Variants in PLXNA4 observed in about 807,000 individuals in gnomAD.
PLXNA4 encodes the protein plexin-A4.
Under a neutral mutation model 191.8 loss-of-function variants are expected in PLXNA4, and 44 were observed. The observed-to-expected ratio is 0.23, with a 90% CI of 0.18 to 0.29. The LOEUF (loss-of-function observed/expected upper bound fraction) is 0.29, where lower values mean the gene tolerates loss of function less well. PLXNA4 is among the 10% of genes least tolerant of loss of function. The probability of loss-of-function intolerance (pLI) is 1.00; values close to 1 mark genes in which losing one functional copy is unlikely to be tolerated. For missense variants in PLXNA4, 1,800 were observed against 2,488.8 expected (o/e 0.72, Z 5.89); for synonymous variants, 1,082 against 1,009.5 (o/e 1.07, Z -1.36).
intron 31 of PLXNA4, among the ~76,000 whole-genome samples, chr7:132,132,211 C>T (rs1794948265): frequency 6.6e-6 from 1 of 152,204 alleles, no homozygotes; most frequent in African/African-American, 2.4e-5. Context: ...CTGGGCTGAT[C>T]AGAAGATGTC....
intron 1 of PLXNA4, among the ~76,000 whole-genome samples, chr7:132,568,666 A>G (rs1160789184): frequency 6.6e-6 from 1 of 152,162 alleles, no homozygotes; most frequent in Non-Finnish European, 1.5e-5. Context: ...ACCATTATTA[A>G]AAAGCAGGAA....
rs575034345 is a variant in PLXNA4 at position 132,298,811 on chromosome 7, G to A, written c.1372-589C>T. Among the ~76,000 whole-genome samples, 33 of 152,300 alleles carry A rather than the reference G, an allele frequency of 2.2e-4. No homozygotes were observed. The South Asian group carries it at 6.0e-3, about 28-fold the overall frequency. On this transcript the variant is annotated intron_variant, in intron 3 of 31. Transcript: ENST00000321063. The stretch of plus-strand genomic sequence containing the variant: ...GAAACCTTCTAGAGGTTTTGTTCAC[G>A]TCCCCAGCAAAAGGGATGTGGGAAT...
chr7:132,208,434 C>T (rs1238103192), intron 10 of PLXNA4, among the ~76,000 whole-genome samples: 3 of 152,204 alleles, frequency 2.0e-5, no homozygotes, highest in South Asian at 4.1e-4. Flanking sequence ...ACCTGGGGGG[C>T]ACCCAGACCT....
chr7:132,261,509 C>T (rs1006326585), intron 4 of PLXNA4, among the ~76,000 whole-genome samples: 15 of 152,194 alleles, frequency 9.9e-5, no homozygotes, highest in African/African-American at 3.6e-4. Context: ...TCTGCTGCTG[C>T]CAGTGTCACC....
intron 3 of PLXNA4, among the ~76,000 whole-genome samples, chr7:132,478,908 C>T (rs1352628718): frequency 6.6e-6 from 1 of 152,118 alleles, no homozygotes; most frequent in Non-Finnish European, 1.5e-5. Context: ...TTCCTTCCAA[C>T]CTCCTTGCCA....
intron 3 of PLXNA4, among the ~76,000 whole-genome samples, chr7:132,460,640 A>G (rs1199806346): frequency 6.6e-6 from 1 of 152,160 alleles, no homozygotes; most frequent in East Asian, 1.9e-4. Flanking sequence ...CTAGCAGGCA[A>G]TATTTAAATT....
intron 4 of PLXNA4, among the ~76,000 whole-genome samples, chr7:132,244,507 T>C (rs1261533300): frequency 6.6e-6 from 1 of 152,246 alleles, no homozygotes; most frequent in Non-Finnish European, 1.5e-5. Flanking sequence ...TCTTCTGAAC[T>C]TGATCTAGGT....
At chr7:132,138,361 AT>A (rs1795173484) in intron 30 of PLXNA4, among the ~76,000 whole-genome samples, 2 of 152,060 alleles carry the variant, frequency 1.3e-5, no homozygotes, top group South Asian at 4.2e-4. Flanking sequence ...CAGGCTGCAA[AT>A]TTCCTTGGAA....
At chr7:132,280,117 T>C (rs981661794) in intron 4 of PLXNA4, among the ~76,000 whole-genome samples, 23 of 152,216 alleles carry the variant, frequency 1.5e-4, no homozygotes, top group Non-Finnish European at 1.5e-4. Context: ...TAAATTGATT[T>C]CATGACCCAC....
intron 2 of PLXNA4, among the ~76,000 whole-genome samples, chr7:132,644,486 C>T (rs1042710273): frequency 6.6e-5 from 10 of 152,192 alleles, no homozygotes; most frequent in African/African-American, 1.9e-4. Context: ...TCCTCCTTCT[C>T]ACTCCACAGG....
chr7:132,401,625 G>T (rs1793989003), intron 3 of PLXNA4, among the ~76,000 whole-genome samples: 1 of 152,194 alleles, frequency 6.6e-6, no homozygotes, highest in Non-Finnish European at 1.5e-5. Context: ...TCAGGACGGG[G>T]CATAAGTGGA....
intron 3 of PLXNA4, among the ~76,000 whole-genome samples, chr7:132,334,252 CTTTTTT>C (rs71529758): frequency 1.3e-5 from 1 of 75,606 alleles, no homozygotes; most frequent in African/African-American, 6.1e-5. Context: ...TTCTTTCTTT[CTTTTTT>C]TTTTTTTTTT....
At chr7:132,330,307 A>G (rs892163788) in intron 3 of PLXNA4, among the ~76,000 whole-genome samples, 1 of 152,204 alleles carries the variant, frequency 6.6e-6, no homozygotes, top group African/African-American at 2.4e-5. Flanking sequence ...TTACATCAGG[A>G]GACCTCTGGG....
chr7:132,501,105 T>C (rs113201601), intron 2 of PLXNA4, among the ~76,000 whole-genome samples: 3 of 151,942 alleles, frequency 2.0e-5, no homozygotes, highest in Non-Finnish European at 4.4e-5. Context: ...CGTGTGTGTG[T>C]GAGAGAGAGA....
rs146629205 is a variant in PLXNA4, at chr7:132,370,946, G to C, written c.1372-72724C>G. 4.7e-4 allele frequency among the ~76,000 whole-genome samples: 71 copies of C among 152,340 alleles called. 1 individual carries two copies. Among genetic ancestry groups the C allele is most frequent in the African/African-American group, 1.7e-3 (70 of 41,566 alleles). Reference sequence around the variant, plus strand: ...GGCAGGCAGGGAGAGCTGATGCCTGGTTGGCATGAGCACCTGAATTAGTGT... The same window carrying C: ...GGCAGGCAGGGAGAGCTGATGCCTGCTTGGCATGAGCACCTGAATTAGTGT... On this transcript the variant is annotated intron_variant, in intron 3 of 31. Transcript: ENST00000321063.
At chr7:132,397,134 T>G (rs1157400396) in intron 3 of PLXNA4, among the ~76,000 whole-genome samples, 1 of 152,196 alleles carries the variant, frequency 6.6e-6, no homozygotes, top group Non-Finnish European at 1.5e-5. Flanking sequence ...CCCCAAAATT[T>G]TACAAATACT....
chr7:132,530,800 C>T (rs1030590643), intron 1 of PLXNA4, among the ~76,000 whole-genome samples: 3 of 152,090 alleles, frequency 2.0e-5, no homozygotes, highest in Non-Finnish European at 2.9e-5. Context: ...TTGCAGACAA[C>T]GTTCAAGAGT....
intron 3 of PLXNA4, among the ~76,000 whole-genome samples, chr7:132,433,176 TA>T (rs1268359346): frequency 6.6e-6 from 1 of 152,180 alleles, no homozygotes; most frequent in Non-Finnish European, 1.5e-5. Context: ...TTTACTAGAG[TA>T]AAACTTGGGG....
chr7:132,362,230 G>A (rs1230593534), intron 3 of PLXNA4, among the ~76,000 whole-genome samples: 1 of 152,180 alleles, frequency 6.6e-6, no homozygotes, highest in Non-Finnish European at 1.5e-5. Flanking sequence ...GTCTTCAATG[G>A]GTTTGCTGTA....
Sources: allele counts gnomAD v4.1 joint callset (sites outside exome capture counted in the v4.1 genomes callset), GRCh38; gene constraint gnomAD v4.1.1; transcripts MANE v1.5; gene names NCBI Gene and HGNC (gene_info 2026-07-23, HGNC 2026-07-21).